The following DDX10 variants were observed in gnomAD, a reference collection of about 807,000 sequenced individuals.
DDX10 encodes probable ATP-dependent RNA helicase DDX10.
DDX10 carries 74 observed loss-of-function variants against 104.3 expected under a neutral mutation model. The observed-to-expected ratio is 0.71, with a 90% CI of 0.59 to 0.86. The LOEUF is 0.86. Among genes scored for constraint, DDX10 ranks in the 40% least tolerant of loss-of-function variants. The probability of loss-of-function intolerance (pLI) is 0.00; values close to 1 mark genes in which losing one functional copy is unlikely to be tolerated. For synonymous variants in DDX10, 351 were observed against 353.4 expected (o/e 0.99, Z 0.08); for missense variants, 952 against 1,040.0 (o/e 0.92, Z 1.16).
chr11:108,761,037 C>T (rs12577980), intron 13 of DDX10, among the ~76,000 whole-genome samples: 23,855 of 151,870 alleles, frequency 0.16, 1,913 homozygotes, highest in East Asian at 0.25. Flanking sequence ...TTAACCATAG[C>T]CTGCATTTTA....
intron 16 of DDX10, among the ~76,000 whole-genome samples, chr11:108,865,720 G>T (rs998760453): frequency 2.6e-5 from 4 of 152,068 alleles, no homozygotes; most frequent in Admixed American, 2.6e-4. Context: ...TAAGTGGTAG[G>T]ATGATCCTAG....
chr11:108,711,777 A>G (rs899636471), intron 10 of DDX10, among the ~76,000 whole-genome samples: 1 of 152,196 alleles, frequency 6.6e-6, no homozygotes, highest in African/African-American at 2.4e-5. Flanking sequence ...GAAGATGTGT[A>G]TTATGTTGTT....
At chr11:108,668,887 C>A (rs1221265823) in intron 1 of DDX10, among the ~76,000 whole-genome samples, 1 of 152,074 alleles carries the variant, frequency 6.6e-6, no homozygotes, top group Non-Finnish European at 1.5e-5. Flanking sequence ...GTTGAGTTAT[C>A]CTATACTGAG....
chr11:108,888,857 T>A (rs1863337812), intron 16 of DDX10, among the ~76,000 whole-genome samples: 1 of 152,202 alleles, frequency 6.6e-6, no homozygotes, highest in Non-Finnish European at 1.5e-5. Context: ...TGAAATCTAT[T>A]TTTCTGCACT....
At chr11:108,830,935 C>G (rs1862460853) in intron 13 of DDX10, among the ~76,000 whole-genome samples, 1 of 152,142 alleles carries the variant, frequency 6.6e-6, no homozygotes, top group African/African-American at 2.4e-5. Context: ...ATTTGAATTA[C>G]TGTAATTCAT....
chr11:108,890,730 T>C (rs537336643), intron 16 of DDX10, among the ~76,000 whole-genome samples: 3 of 152,200 alleles, frequency 2.0e-5, no homozygotes, highest in African/African-American at 7.2e-5. Flanking sequence ...CCACAGAGAA[T>C]TGGGGGAGCA....
chr11:108,752,438 A>G (rs1016329176), intron 13 of DDX10, among the ~76,000 whole-genome samples: 1 of 152,094 alleles, frequency 6.6e-6, no homozygotes, highest in African/African-American at 2.4e-5. Flanking sequence ...GAGTAATTCA[A>G]GTAGAGCCTT....
chr11:108,676,528 C>G (rs1263755674), intron 3 of DDX10, among the ~76,000 whole-genome samples: 1 of 152,174 alleles, frequency 6.6e-6, no homozygotes, highest in Non-Finnish European at 1.5e-5. Context: ...TCACTGCAAC[C>G]TCTGCCTCCC....
intron 13 of DDX10, among the ~76,000 whole-genome samples, chr11:108,740,856 A>T (rs1424896294): frequency 6.6e-6 from 1 of 152,056 alleles, no homozygotes; most frequent in Non-Finnish European, 1.5e-5. Flanking sequence ...TAAGTTCCTT[A>T]TAAATTCTGA....
intron 13 of DDX10, among the ~76,000 whole-genome samples, chr11:108,769,436 C>G (rs1216392157): frequency 6.6e-6 from 1 of 151,630 alleles, no homozygotes; most frequent in Non-Finnish European, 1.5e-5. Context: ...GGTTCTTTTT[C>G]TAATCTGCTC....
chr11:108,836,709 G>A (rs1005426488), intron 13 of DDX10, among the ~76,000 whole-genome samples: 4 of 152,028 alleles, frequency 2.6e-5, no homozygotes, highest in Admixed American at 6.6e-5. Context: ...GGCTGGTCTC[G>A]AACTCCTGAC....
chr11:108,931,715 G>A (rs1411999926), intron 17 of DDX10, among the ~76,000 whole-genome samples: 1 of 152,158 alleles, frequency 6.6e-6, no homozygotes, highest in Non-Finnish European at 1.5e-5. Context: ...CCATGAACTA[G>A]ATGTTATAAA....
chr11:108,807,533 G>A (rs1862117404), intron 13 of DDX10, among the ~76,000 whole-genome samples: 2 of 152,190 alleles, frequency 1.3e-5, no homozygotes, highest in South Asian at 4.1e-4. Context: ...TTGACTAGAT[G>A]TGGTGACAAT....
At chr11:108,672,060 C>CA (rs1162370017) in intron 1 of DDX10, among the ~76,000 whole-genome samples, 1 of 76,914 alleles carries the variant, frequency 1.3e-5, no homozygotes, top group African/African-American at 4.6e-5. Context: ...GACTCCATCT[C>CA]GGAAAAAAAA....
chr11:108,672,219 A>G (rs2134435158), intron 1 of DDX10, among the ~76,000 whole-genome samples: 1 of 152,220 alleles, frequency 6.6e-6, no homozygotes, highest in South Asian at 2.1e-4. Context: ...GTTTTGTTTG[A>G]GGAGCTCGCT....
intron 13 of DDX10, among the ~76,000 whole-genome samples, chr11:108,789,371 C>G (rs1861838671): frequency 4.6e-5 from 7 of 152,116 alleles, no homozygotes. Context: ...ACTAATCTAT[C>G]TAGGAAACAG....
At chr11:108,792,391 C>T (rs558828362) in intron 13 of DDX10, among the ~76,000 whole-genome samples, 2 of 152,254 alleles carry the variant, frequency 1.3e-5, no homozygotes, top group African/African-American at 4.8e-5. Context: ...TAATTTTTAG[C>T]TCTTGGATTT....
chr11:108,673,483 T>A lies in DDX10; in HGVS notation c.203T>A (p.Ile68Asn). The change falls in exon 2 of 18, where the codon ATC becomes AAC. Residue 68 changes from isoleucine (I) to asparagine (N), a missense_variant. Physicochemically the swap from Ile to Asn is moderately radical, Grantham distance 149. Transcript: ENST00000322536. ...QNYEKINVNE[I>N]TRFSDFPLSK... Reference sequence around the variant, plus strand: ...TTTTTCCAGATAAATGTAAATGAAATCACAAGATTTTCAGATTTTCCCTTG... The same window carrying A: ...TTTTTCCAGATAAATGTAAATGAAAACACAAGATTTTCAGATTTTCCCTTG... 1 of 1,595,836 alleles carries A rather than the reference T, an allele frequency of 6.3e-7. No individual in the cohort carries two copies. Among genetic ancestry groups the A allele is most frequent in the Non-Finnish European group, 8.6e-7 (1 of 1,164,148 alleles).
At chr11:108,877,785 A>T (rs1204219123) in intron 16 of DDX10, among the ~76,000 whole-genome samples, 2 of 152,126 alleles carry the variant, frequency 1.3e-5, no homozygotes, top group Non-Finnish European at 2.9e-5. Context: ...TGGTAAGGAG[A>T]GGGTAGAAAC....
Sources: allele counts gnomAD v4.1 joint callset (sites outside exome capture counted in the v4.1 genomes callset), GRCh38; gene constraint gnomAD v4.1.1; transcripts MANE v1.5; gene names NCBI Gene and HGNC (gene_info 2026-07-23, HGNC 2026-07-21).